The following FOCAD variants were observed in gnomAD, a reference collection of about 807,000 sequenced individuals.
FOCAD encodes the protein KIAA1797.
In FOCAD, 198 loss-of-function variants were observed where a neutral mutation model predicts 225.6. That is an observed-to-expected ratio of 0.88 (90% CI 0.78 to 0.99). FOCAD has a LOEUF of 0.99. FOCAD is among the 50% of genes least tolerant of loss of function. FOCAD has a pLI of 0.00. For synonymous variants in FOCAD, 897 were observed against 755.0 expected (o/e 1.19, Z -3.08); for missense variants, 2,713 against 2,123.6 (o/e 1.28, Z -5.46).
intron 2 of FOCAD, among the ~76,000 whole-genome samples, chr9:20,672,059 C>T (rs907959112): frequency 1.3e-5 from 2 of 151,760 alleles, no homozygotes; most frequent in African/African-American, 2.4e-5. Flanking sequence ...CAACATAACT[C>T]CATAGTGTGT....
intron 21 of FOCAD, among the ~76,000 whole-genome samples, chr9:20,890,426 G>A (rs535848300): frequency 7.0e-6 from 1 of 142,334 alleles, no homozygotes. Flanking sequence ...TGCTTTTTCT[G>A]TATCAATTGA....
chr9:20,770,176 A>T lies in FOCAD; in HGVS notation c.844A>T (p.Ile282Leu). The change falls in exon 8 of 44, where the codon ATA (isoleucine) becomes TTA (leucine). Residue 282 changes from isoleucine (I) to leucine (L), a missense_variant. By Grantham distance (5) the Ile-to-Leu change is conservative. Coordinates refer to ENST00000338382, the MANE Select transcript of FOCAD (RefSeq NM_001375567.1). ...LLCVSEVSLK[I>L]TGECSSSIHL... ...GTGTGTCAGTGAAGTCAGCTTAAAGATAACTGGTGAATGTTCATCTTCAAT... is the reference window on the plus strand; with the variant it reads ...GTGTGTCAGTGAAGTCAGCTTAAAGTTAACTGGTGAATGTTCATCTTCAAT... 1 of 1,614,100 alleles carries T rather than the reference A, an allele frequency of 6.2e-7. No homozygotes were observed. The highest frequency in any genetic ancestry group is 8.5e-7 in the Non-Finnish European group (1 of 1,180,014).
chr9:20,853,329 C>T (rs1233058689), intron 15 of FOCAD, among the ~76,000 whole-genome samples: 1 of 151,732 alleles, frequency 6.6e-6, no homozygotes, highest in Non-Finnish European at 1.5e-5. Context: ...TAGTGAGTCT[C>T]TTGGGTGGCT....
At chr9:20,674,367 C>T (rs939824077) in intron 2 of FOCAD, among the ~76,000 whole-genome samples, 9 of 152,142 alleles carry the variant, frequency 5.9e-5, no homozygotes, top group Non-Finnish European at 8.8e-5. Context: ...TGTGGGAGTA[C>T]TGTATTTATA....
intron 7 of FOCAD, among the ~76,000 whole-genome samples, chr9:20,768,459 G>A (rs923316271): frequency 6.6e-6 from 1 of 151,856 alleles, no homozygotes; most frequent in African/African-American, 2.4e-5. Flanking sequence ...CTACCCATGA[G>A]CATGGAATGT....
At chr9:20,975,816 C>A (rs1171907613) in intron 35 of FOCAD, among the ~76,000 whole-genome samples, 1 of 151,868 alleles carries the variant, frequency 6.6e-6, no homozygotes, top group Admixed American at 6.6e-5. Flanking sequence ...TATGTGGAAG[C>A]TAAAAAAGTT....
At chr9:20,754,434 T>C (rs1163567277) in intron 5 of FOCAD, among the ~76,000 whole-genome samples, 1 of 152,196 alleles carries the variant, frequency 6.6e-6, no homozygotes, top group Admixed American at 6.6e-5. Context: ...TGTGTTCTGT[T>C]ACTCTTGTGC....
chr9:20,721,976 C>T (rs1825818493), intron 4 of FOCAD, among the ~76,000 whole-genome samples: 1 of 58,568 alleles, frequency 1.7e-5, no homozygotes, highest in Admixed American at 1.5e-4. Context: ...TTTTTTCTCC[C>T]CTCCTTCCCT....
chr9:20,659,440 AAGAC>A (rs913429141), intron 2 of FOCAD, among the ~76,000 whole-genome samples: 13 of 145,188 alleles, frequency 9.0e-5, no homozygotes, highest in South Asian at 4.7e-4. Flanking sequence ...GAAAGAAAGA[AAGAC>A]AGACAGACAG....
intron 27 of FOCAD, among the ~76,000 whole-genome samples, chr9:20,930,295 A>T (rs765091200): frequency 3.9e-5 from 6 of 152,180 alleles, no homozygotes; most frequent in Non-Finnish European, 7.3e-5. Context: ...TTTGTTGTTC[A>T]TACTGCTTAT....
chr9:20,830,348 A>C (rs1029781104), intron 15 of FOCAD, among the ~76,000 whole-genome samples: 6 of 152,092 alleles, frequency 3.9e-5, no homozygotes, highest in Non-Finnish European at 7.4e-5. Context: ...ATTGCATATT[A>C]CACTTTATAT....
At chr9:20,749,374 A>C (rs1828345158) in intron 5 of FOCAD, among the ~76,000 whole-genome samples, 1 of 152,126 alleles carries the variant, frequency 6.6e-6, no homozygotes, top group Non-Finnish European at 1.5e-5. Flanking sequence ...ATAAAGATGC[A>C]TTTGTCTTAA....
At chr9:20,778,657 CT>C (rs759206888) in intron 8 of FOCAD, 23 bp from the exon 9 acceptor site, 42 of 1,400,790 alleles carry the variant, frequency 3.0e-5, no homozygotes, top group Admixed American at 6.8e-5. Flanking sequence ...TTAACAACTC[CT>C]TTTTCCCCCT....
chr9:20,926,091 T>C (rs568316676), intron 25 of FOCAD, among the ~76,000 whole-genome samples: 63 of 152,222 alleles, frequency 4.1e-4, no homozygotes, highest in African/African-American at 1.4e-3. Flanking sequence ...AAAAGATACA[T>C]CTTATTTCTT....
chr9:20,804,988 G>C (rs1036184635), intron 11 of FOCAD, among the ~76,000 whole-genome samples: 6 of 152,062 alleles, frequency 3.9e-5, no homozygotes, highest in African/African-American at 7.2e-5. Context: ...TTCTTAATCT[G>C]TGCCTATTAG....
At chr9:20,749,930 C>T (rs1828393167) in intron 5 of FOCAD, among the ~76,000 whole-genome samples, 1 of 152,046 alleles carries the variant, frequency 6.6e-6, no homozygotes, top group African/African-American at 2.4e-5. Context: ...TTTATCATTG[C>T]CTCTGTGCTA....
At chr9:20,910,465 T>G (rs918387695) in intron 22 of FOCAD, among the ~76,000 whole-genome samples, 12 of 152,060 alleles carry the variant, frequency 7.9e-5, no homozygotes, top group African/African-American at 2.7e-4. Flanking sequence ...CTATGGCAAT[T>G]TATACCTTTT....
At chr9:20,687,251 G>T (rs1822723360) in intron 1 of FOCAD, among the ~76,000 whole-genome samples, 1 of 152,086 alleles carries the variant, frequency 6.6e-6, no homozygotes, top group Non-Finnish European at 1.5e-5. Flanking sequence ...ATTATTTAAA[G>T]ATTTATCTTT....
At chr9:20,826,634 A>T (rs996547048) in intron 15 of FOCAD, among the ~76,000 whole-genome samples, 1 of 152,052 alleles carries the variant, frequency 6.6e-6, no homozygotes, top group African/African-American at 2.4e-5. Flanking sequence ...ACCCTAATTA[A>T]TATAAGTACC....
Sources: allele counts gnomAD v4.1 joint callset (sites outside exome capture counted in the v4.1 genomes callset), GRCh38; gene constraint gnomAD v4.1.1; transcripts MANE v1.5; gene names NCBI Gene and HGNC (gene_info 2026-07-23, HGNC 2026-07-21).